MAGI2: variants seen among roughly 807,000 people sequenced by gnomAD.
MAGI2 encodes membrane-associated guanylate kinase, WW and PDZ domain-containing protein 2.
Under a neutral mutation model 133.3 loss-of-function variants are expected in MAGI2, and 35 were observed. The observed-to-expected ratio is 0.26, with a 90% CI of 0.20 to 0.35. The LOEUF (loss-of-function observed/expected upper bound fraction) is 0.35, where lower values mean the gene tolerates loss of function less well. Among genes scored for constraint, MAGI2 ranks in the 10% least tolerant of loss-of-function variants. The pLI, the probability that MAGI2 is intolerant of heterozygous loss-of-function variation, is 1.00. For synonymous variants in MAGI2, 729 were observed against 710.6 expected (o/e 1.03, Z -0.41); for missense variants, 1,636 against 1,863.4 (o/e 0.88, Z 2.25).
chr7:79,296,741 G>T (rs1836961845), intron 1 of MAGI2, among the ~76,000 whole-genome samples: 1 of 152,084 alleles, frequency 6.6e-6, no homozygotes, highest in African/African-American at 2.4e-5. Flanking sequence ...AGAGGAGAGG[G>T]GAGAATGAGG....
chr7:78,678,147 C>G (rs946638982), intron 2 of MAGI2, among the ~76,000 whole-genome samples: 1 of 152,080 alleles, frequency 6.6e-6, no homozygotes, highest in Non-Finnish European at 1.5e-5. Context: ...GGAAAACTAA[C>G]TAGTGGAAAA....
intron 1 of MAGI2, among the ~76,000 whole-genome samples, chr7:79,417,425 T>C (rs1354404254): frequency 6.6e-6 from 1 of 152,148 alleles, no homozygotes; most frequent in East Asian, 1.9e-4. Flanking sequence ...CATTCATATC[T>C]TGAATATCAT....
At chr7:78,089,948 T>C (rs891238299) in intron 20 of MAGI2, among the ~76,000 whole-genome samples, 11 of 152,236 alleles carry the variant, frequency 7.2e-5, no homozygotes, top group Admixed American at 2.0e-4. Flanking sequence ...CTTTAGGACC[T>C]TGTCCCTGTG....
Position 78,269,533 on chromosome 7 carries a change from A to C in MAGI2, c.1409-12952T>G, listed in dbSNP as rs563079856. Among the ~76,000 whole-genome samples the C allele has an allele frequency of 2.0e-5, 3 of 146,922 alleles. No individual in the cohort carries two copies. The East Asian group carries it at 6.3e-4, about 31-fold the overall frequency. On this transcript the variant is annotated intron_variant, in intron 9 of 21. Transcript: ENST00000354212. ...TTTGATTTGCATTTCTCTAATGACCAGTGATGATGAGCTTTTTTTTCATGT... is the reference window on the plus strand; with the variant it reads ...TTTGATTTGCATTTCTCTAATGACCCGTGATGATGAGCTTTTTTTTCATGT...
rs1470940668 is a variant in MAGI2, at chr7:79,114,459, C to T, written c.302-107253G>A. Among the ~76,000 whole-genome samples, 6 of 152,216 alleles carry T rather than the reference C, an allele frequency of 3.9e-5. No homozygotes were observed. The East Asian group carries it at 1.2e-3, about 29-fold the overall frequency. On this transcript the variant is annotated intron_variant, in intron 1 of 21. Coordinates refer to ENST00000354212, the MANE Select transcript of MAGI2 (RefSeq NM_012301.4). The stretch of plus-strand genomic sequence containing the variant: ...TTTTAACAGAGGATGTTTTCAGAGG[C>T]TGAAATTGGAAGGGATTTGTGAATT...
intron 2 of MAGI2, among the ~76,000 whole-genome samples, chr7:78,676,128 A>G (rs1814998665): frequency 6.6e-6 from 1 of 152,148 alleles, no homozygotes; most frequent in Non-Finnish European, 1.5e-5. Context: ...AAATTAGAAA[A>G]GTAATATTCT....
intron 2 of MAGI2, among the ~76,000 whole-genome samples, chr7:78,654,163 C>G (rs180777855): frequency 1.2e-4 from 18 of 152,264 alleles, no homozygotes; most frequent in Admixed American, 1.1e-3. Context: ...ATTCTTGAGA[C>G]AGCTGCCTGG....
chr7:78,420,422 A>T (rs1163018855), intron 6 of MAGI2, among the ~76,000 whole-genome samples: 1 of 152,222 alleles, frequency 6.6e-6, no homozygotes, highest in Non-Finnish European at 1.5e-5. Flanking sequence ...TAAAAATCCA[A>T]TAAAGTTTAA....
intron 18 of MAGI2, among the ~76,000 whole-genome samples, chr7:78,129,890 G>A (rs1821378027): frequency 7.5e-6 from 1 of 133,960 alleles, no homozygotes; most frequent in African/African-American, 2.9e-5. Flanking sequence ...AGCCGAGATT[G>A]CACCGTTGCA....
In MAGI2 at chr7:78,667,350, G is replaced by GTTT. The variant is rs34698367; in HGVS notation, c.419-40114_419-40112dup. Among the ~76,000 whole-genome samples the GTTT allele has an allele frequency of 2.8e-4, 39 of 139,376 alleles. 1 individual carries two copies. The highest frequency in any genetic ancestry group is 1.8e-3 in the Admixed American group (26 of 14,064). 91.4% of individuals were successfully genotyped at this position (139,376 alleles called of 152,430 possible). ...AGCGTGCAGTATTGTAACCAATTGG[G>GTTT]TTTTTTTTTTTGAGATTCTTTTTTT... On this transcript the variant is annotated intron_variant, in intron 2 of 21. Coordinates refer to ENST00000354212, the MANE Select transcript of MAGI2 (RefSeq NM_012301.4).
At chr7:79,169,858 T>C (rs1191625754) in intron 1 of MAGI2, among the ~76,000 whole-genome samples, 2 of 151,942 alleles carry the variant, frequency 1.3e-5, no homozygotes, top group Admixed American at 1.3e-4. Flanking sequence ...AGCTTCTCTC[T>C]CTTTTTTTTT....
chr7:79,157,941 AGTGTGTGTGTGTGT>A (rs60535225), intron 1 of MAGI2, among the ~76,000 whole-genome samples: 2 of 134,896 alleles, frequency 1.5e-5, no homozygotes, highest in Admixed American at 1.5e-4. Flanking sequence ...TCTTTGTGTG[AGTGTGTGTGTGTGT>A]GTGTGTGTGT....
chr7:78,604,590 A>G (rs1385478690), intron 3 of MAGI2, among the ~76,000 whole-genome samples: 1 of 152,246 alleles, frequency 6.6e-6, no homozygotes, highest in Non-Finnish European at 1.5e-5. Flanking sequence ...TGAACAAAAT[A>G]GACATAAATC....
At chr7:78,255,812 TCA>T in intron 10 of MAGI2, 129 bp downstream of exon 10, 1 of 942,224 alleles carries the variant, frequency 1.1e-6, no homozygotes, top group Non-Finnish European at 1.6e-6. Flanking sequence ...TTTTTCTCTC[TCA>T]CTCTTTAAGC....
At chr7:78,477,456 C>A (rs1791890611) in intron 6 of MAGI2, among the ~76,000 whole-genome samples, 1 of 151,718 alleles carries the variant, frequency 6.6e-6, no homozygotes, top group Non-Finnish European at 1.5e-5. Context: ...AAAGACATAC[C>A]CGAGACTGGG....
intron 2 of MAGI2, among the ~76,000 whole-genome samples, chr7:78,984,889 G>A (rs1805104631): frequency 6.6e-6 from 1 of 151,832 alleles, no homozygotes. Context: ...CCAGTACCTA[G>A]AATAATGTTT....
At chr7:78,948,486 C>A (rs1361574149) in intron 2 of MAGI2, among the ~76,000 whole-genome samples, 1 of 152,060 alleles carries the variant, frequency 6.6e-6, no homozygotes, top group African/African-American at 2.4e-5. Flanking sequence ...TTCACTGGAA[C>A]TGTCACTGCT....
chr7:78,694,829 A>G (rs902835977), intron 2 of MAGI2, among the ~76,000 whole-genome samples: 1 of 152,206 alleles, frequency 6.6e-6, no homozygotes, highest in African/African-American at 2.4e-5. Flanking sequence ...ATAACATTTA[A>G]TACAGTTCCT....
chr7:78,064,601 A>C (rs901979972), intron 21 of MAGI2, among the ~76,000 whole-genome samples: 4 of 152,146 alleles, frequency 2.6e-5, no homozygotes, highest in Non-Finnish European at 5.9e-5. Flanking sequence ...AATGGGATAG[A>C]ATCAAACCAG....
Sources: allele counts gnomAD v4.1 joint callset (sites outside exome capture counted in the v4.1 genomes callset), GRCh38; gene constraint gnomAD v4.1.1; transcripts MANE v1.5; gene names NCBI Gene and HGNC (gene_info 2026-07-23, HGNC 2026-07-21).